PLXNB1: variants seen among roughly 807,000 people sequenced by gnomAD.
PLXNB1 encodes plexin-B1.
In PLXNB1, 106 loss-of-function variants were observed where a neutral mutation model predicts 209.4. The observed-to-expected ratio is 0.51, with a 90% CI of 0.43 to 0.59. The LOEUF is 0.59. Ranked by LOEUF, PLXNB1 falls within the 20% of genes least tolerant of loss-of-function variation. PLXNB1 has a pLI of 0.00. For synonymous variants in PLXNB1, 1,167 were observed against 1,183.2 expected (o/e 0.99, Z 0.28); for missense variants, 2,357 against 2,853.2 (o/e 0.83, Z 3.96).
At position 48,418,861 on chromosome 3, in the gene PLXNB1, C is replaced by G; in HGVS notation, c.2955+56G>C. On this transcript the variant is annotated intron_variant, in intron 13 of 37. Transcript: ENST00000296440. The surrounding 1 kb of genome is among the most constrained non-coding windows in gnomAD (Gnocchi z 6.6). ...TGGTGCAGCCAGCTACAGTTGGCAG[C>G]CAGCCTGTGGCCAGTGCAGTGCACC... 3 of 1,604,510 alleles carry G rather than the reference C, an allele frequency of 1.9e-6. No individual in the cohort carries two copies. The highest frequency in any genetic ancestry group is 2.6e-6 in the Non-Finnish European group (3 of 1,174,488).
chr3:48,410,812 G>C lies in PLXNB1; in HGVS notation c.5416+56C>G. ...GAGTTGTCCCTGCAGAGTTGGTCCG[G>C]GGCCAGCCCAGGCCCAACAGTGGCT... On this transcript the variant is annotated intron_variant, in intron 29 of 37. Coordinates refer to ENST00000296440, the MANE Select transcript of PLXNB1 (RefSeq NM_001130082.3). The surrounding 1 kb of genome is among the most constrained non-coding windows in gnomAD (Gnocchi z 6.4). The C allele has an allele frequency of 6.5e-7, 1 of 1,536,366 alleles. No individual in the cohort carries two copies. Among genetic ancestry groups the C allele is most frequent in the Non-Finnish European group, 8.8e-7 (1 of 1,131,658 alleles).
chr3:48,425,581 G>C (rs1330236636), intron 1 of PLXNB1, among the ~76,000 whole-genome samples: 3 of 151,942 alleles, frequency 2.0e-5, no homozygotes, highest in Admixed American at 2.0e-4. Flanking sequence ...AGGTCAGCTA[G>C]GAAGGAGCCC....
At chr3:48,414,187 G>T in intron 21 of PLXNB1, 116 bp from the exon 22 acceptor site, 1 of 952,064 alleles carries the variant, frequency 1.1e-6, no homozygotes. Context: ...CAGCCTCTCA[G>T]CACCCTTCCC....
chr3:48,419,159 C>T lies in PLXNB1; in HGVS notation c.2832+85G>A. On this transcript the variant is annotated intron_variant, in intron 12 of 37. Coordinates refer to ENST00000296440, the MANE Select transcript of PLXNB1 (RefSeq NM_001130082.3). This position sits in a 1 kb window ranked among gnomAD's most constrained non-coding sequence, Gnocchi z 5.7. ...GTTGGAGTTGAGCCCTCGGACTCTG[C>T]CCTCCTCCTGCTCCCCAGGGCTTGT... is the stretch of plus-strand genomic sequence containing the variant. 6.4e-7 allele frequency: 1 copy of T among 1,555,496 alleles called. No individual in the cohort carries two copies. The highest frequency in any genetic ancestry group is 8.7e-7 in the Non-Finnish European group (1 of 1,145,534).
At position 48,410,831 on chromosome 3, in the gene PLXNB1, A is replaced by T; in HGVS notation, c.5416+37T>A. ...GGTCCGGGGCCAGCCCAGGCCCAAC[A>T]GTGGCTCAGGTCCCCAGGGGCTCTC... is the stretch of plus-strand genomic sequence containing the variant. On this transcript the variant is annotated intron_variant, in intron 29 of 37. Transcript: ENST00000296440. The surrounding 1 kb of genome is among the most constrained non-coding windows in gnomAD (Gnocchi z 6.4). The T allele has an allele frequency of 6.3e-7, 1 of 1,583,458 alleles. No homozygotes were observed. Among genetic ancestry groups the T allele is most frequent in the East Asian group, 2.3e-5 (1 of 43,528 alleles).
At chr3:48,423,316 C>G (rs1340251403) in intron 3 of PLXNB1, among the ~76,000 whole-genome samples, 189 bp downstream of exon 3, 1 of 152,166 alleles carries the variant, frequency 6.6e-6, no homozygotes, top group Non-Finnish European at 1.5e-5. Flanking sequence ...TGCTGCCACC[C>G]GCATGCCAGA....
At position 48,420,127 on chromosome 3, in the gene PLXNB1, G is replaced by C. The variant is rs763237511; in HGVS notation, c.2159C>G (p.Thr720Arg). Residue 720 changes from threonine (T) to arginine (R), a missense_variant, in exon 11 of 38, where the codon ACA becomes AGA. Thr to Arg is a moderately conservative substitution (Grantham distance 71). Coordinates refer to ENST00000296440, the MANE Select transcript of PLXNB1 (RefSeq NM_001130082.3). ...PVEPGAPSTA[T>R]ASDISPGASP... ...AGCCCCAGGTGAGATGTCCGAAGCT[G>C]TGGCTGTGGAGGGAGCCCCAGGCTC... The C allele has an allele frequency of 6.2e-7, 1 of 1,612,970 alleles. No homozygotes were observed. The highest frequency in any genetic ancestry group is 2.2e-5 in the East Asian group (1 of 44,836).
In PLXNB1 at chr3:48,422,866, T is replaced by C. The variant is rs1488700627; in HGVS notation, c.1189A>G (p.Ile397Val). The C allele has an allele frequency of 3.7e-6, 6 of 1,613,950 alleles. No individual in the cohort carries two copies. The South Asian group carries it at 4.4e-5, about 12-fold the overall frequency. Reference protein sequence around the residue: ...ASRVPLEATPILEWPGIQLTA... With the variant: ...ASRVPLEATPVLEWPGIQLTA... Reference sequence around the variant, plus strand: ...AGCTGAATCCCTGGCCACTCCAGAATTGGTGTGGCTTCCAGCGGGACCCGG... The same window carrying C: ...AGCTGAATCCCTGGCCACTCCAGAACTGGTGTGGCTTCCAGCGGGACCCGG... Residue 397 changes from isoleucine (I) to valine (V), a missense_variant, in exon 4 of 38, where the codon ATT becomes GTT. Transcript: ENST00000296440.
In PLXNB1 at chr3:48,423,852, G is replaced by A. The variant is rs566324180; in HGVS notation, c.760C>T (p.Arg254Trp). Reference protein sequence around the residue: ...FRAYVSRVCLRDQHYYSYVEL... With the variant: ...FRAYVSRVCLWDQHYYSYVEL... ...ACATAGGAGTAGTAGTGCTGGTCCC[G>A]GAGACACACTCGAGATACATAGGCA... The change falls in exon 3 of 38, where the codon CGG becomes TGG. Residue 254 changes from arginine to tryptophan, a missense_variant. This residue lies in a region of PLXNB1 where 404 missense variants were observed against 443.6 expected (regional missense o/e 0.91). Transcript: ENST00000296440. The A allele has an allele frequency of 7.5e-5, 121 of 1,614,026 alleles. 1 individual carries two copies. The Admixed American group carries it at 1.6e-3, about 21-fold the overall frequency.
Position 48,419,441 on chromosome 3 carries a change from G to A in PLXNB1, c.2710-75C>T. 2 of 1,509,322 alleles carry A rather than the reference G, an allele frequency of 1.3e-6. No individual in the cohort carries two copies. The highest frequency in any genetic ancestry group is 2.3e-5 in the East Asian group (1 of 43,110). 93.5% of individuals were successfully genotyped at this position (1,509,322 alleles called of 1,614,324 possible). On this transcript the variant is annotated intron_variant, in intron 11 of 37. Transcript: ENST00000296440. The surrounding 1 kb of genome is among the most constrained non-coding windows in gnomAD (Gnocchi z 5.7). ...CAGCCCTCTGCCTTGCCAGATTCCA[G>A]AGGCAAGGCCGGTGTGGGGCTGCAG...
Position 48,415,228 on chromosome 3 carries a change from C to T in PLXNB1, c.3914G>A (p.Arg1305His), listed in dbSNP as rs764270397. 2.1e-5 allele frequency: 34 copies of T among 1,613,332 alleles called. No individual in the cohort carries two copies. Among genetic ancestry groups the T allele is most frequent in the Admixed American group, 1.2e-4 (7 of 60,000 alleles). Residue 1305 changes from arginine to histidine, a missense_variant, in exon 20 of 38, where the codon CGC becomes CAC. Transcript: ENST00000296440. The surrounding 1 kb of genome is among the most constrained non-coding windows in gnomAD (Gnocchi z 5.0). ...GGAACATGCCGTCTCCGGGACCACG[C>T]GACGCCTCCGTCCAAGCCCCTGGCT... is the stretch of plus-strand genomic sequence containing the variant. ...QPSQGLGRRR[R>H]VVPETACSLG...
intron 24 of PLXNB1, 21 bp from the exon 25 acceptor site, chr3:48,412,980 GGTTAAGCACCT>G (rs2037798338): frequency 6.2e-7 from 1 of 1,612,482 alleles, no homozygotes; most frequent in Admixed American, 1.7e-5. Flanking sequence ...GAAGAGGCCA[GGTTAAGCACCT>G]GTTAAGCACC....
At chr3:48,427,343 T>G (rs1453025348) in intron 1 of PLXNB1, among the ~76,000 whole-genome samples, 1 of 152,102 alleles carries the variant, frequency 6.6e-6, no homozygotes, top group African/African-American at 2.4e-5. Context: ...AATCAGGACC[T>G]AGCACCCCTT....
Position 48,405,752 on chromosome 3 carries a change from T to C in PLXNB1, c.6275A>G (p.Tyr2092Cys), listed in dbSNP as rs1163672315. The change falls in exon 37 of 38, where the codon TAC becomes TGC. Residue 2092 changes from tyrosine to cysteine, a missense_variant. Coordinates refer to ENST00000296440, the MANE Select transcript of PLXNB1 (RefSeq NM_001130082.3). This position sits in a 1 kb window ranked among gnomAD's most constrained non-coding sequence, Gnocchi z 5.0. ...LGARVALHEL[Y>C]KYINKYYDQI... ...GTCATAGTACTTGTTGATGTACTTG[T>C]AGAGTTCATGCAGGGCCACTCGCGC... 3.7e-6 allele frequency: 6 copies of C among 1,613,682 alleles called. No individual in the cohort carries two copies. Among genetic ancestry groups the C allele is most frequent in the Non-Finnish European group, 4.2e-6 (5 of 1,179,822 alleles).
Position 48,418,718 on chromosome 3 carries a change from C to T in PLXNB1, c.2956-176G>A, listed in dbSNP as rs1247098424. On this transcript the variant is annotated intron_variant, in intron 13 of 37. Coordinates refer to ENST00000296440, the MANE Select transcript of PLXNB1 (RefSeq NM_001130082.3). This position sits in a 1 kb window ranked among gnomAD's most constrained non-coding sequence, Gnocchi z 6.6. Reference sequence around the variant, plus strand: ...ATGGAGTATGGGGACCCCATGGGGTCTCAAGTTAGAGTTCAGAGCTGGGAT... The same window carrying T: ...ATGGAGTATGGGGACCCCATGGGGTTTCAAGTTAGAGTTCAGAGCTGGGAT... Among the ~76,000 whole-genome samples, 1 of 152,110 alleles carries T rather than the reference C, an allele frequency of 6.6e-6. No homozygotes were observed. The highest frequency in any genetic ancestry group is 2.4e-5 in the African/African-American group (1 of 41,402).
In PLXNB1 at chr3:48,410,862, C is replaced by T. The variant is rs1195561499; in HGVS notation, c.5416+6G>A. The T allele has an allele frequency of 4.4e-6, 7 of 1,607,488 alleles. No homozygotes were observed. Among genetic ancestry groups the T allele is most frequent in the African/African-American group, 4.0e-5 (3 of 74,816 alleles). ...TCAGGTCCCCAGGGGCTCTCCACGC[C>T]CTCACCAACATCAAGGGTGCGAGGG... On this transcript the variant is annotated splice_donor_region_variant and intron_variant, in intron 29 of 37. Transcript: ENST00000296440. This position sits in a 1 kb window ranked among gnomAD's most constrained non-coding sequence, Gnocchi z 6.4.
At position 48,406,886 on chromosome 3, in the gene PLXNB1, G is replaced by A. The variant is rs2037344517; in HGVS notation, c.6165C>T (p.Asp2055=). 1.2e-6 allele frequency: 2 copies of A among 1,613,218 alleles called. No individual in the cohort carries two copies. Among genetic ancestry groups the A allele is most frequent in the Non-Finnish European group, 1.7e-6 (2 of 1,179,622 alleles). ...CGCTGGCTGGGACAGTCTGTCTGAT[G>A]TCTGCATAGTACCTGCCAGAGAGCC... ...YKRMVERYYA[D]IRQTVPASDQ... is the part of the protein sequence containing the mutation. The change falls in exon 36 of 38, where the codon GAC becomes GAT. Residue 2055 remains aspartate, a synonymous_variant. Transcript: ENST00000296440. This position sits in a 1 kb window ranked among gnomAD's most constrained non-coding sequence, Gnocchi z 4.4.
At chr3:48,420,534 C>T in intron 10 of PLXNB1, 131 bp downstream of exon 10, 1 of 734,502 alleles carries the variant, frequency 1.4e-6, no homozygotes, top group Non-Finnish European at 2.3e-6. Flanking sequence ...TCCAGGGAGT[C>T]CGTCACATAC....
intron 34 of PLXNB1, among the ~76,000 whole-genome samples, chr3:48,408,593 T>G (rs1239628903): frequency 6.6e-6 from 1 of 151,712 alleles, no homozygotes; most frequent in African/African-American, 2.4e-5. Flanking sequence ...CACACATCCC[T>G]CAAACTGTGA....
Sources: gnomAD v4.1 joint callset for allele counts (sites outside exome capture counted in the v4.1 genomes callset) on GRCh38, gnomAD v4.1.1 for gene constraint, gnomAD v4.1.1 regional missense constraint, Gnocchi (gnomAD v3.1) non-coding constraint, MANE v1.5 for transcripts, NCBI Gene and HGNC (gene_info 2026-07-23, HGNC 2026-07-21) for gene names.